The following ZBTB16 variants were observed in gnomAD, a reference collection of about 807,000 sequenced individuals.
The protein encoded by ZBTB16 is zinc finger and BTB domain containing 16, also known as zinc finger and BTB domain-containing protein 16.
ZBTB16 carries 8 observed loss-of-function variants against 56.8 expected under a neutral mutation model. The ratio of observed to expected loss-of-function variants is 0.14; its 90% CI spans 0.08 to 0.25. The LOEUF (loss-of-function observed/expected upper bound fraction) is 0.25, where lower values mean the gene tolerates loss of function less well. Ranked by LOEUF, ZBTB16 falls within the 10% of genes least tolerant of loss-of-function variation. The pLI, the probability that ZBTB16 is intolerant of heterozygous loss-of-function variation, is 1.00. For synonymous variants in ZBTB16, 363 were observed against 368.5 expected, an observed-to-expected ratio of 0.98 and a Z score of 0.17; for missense variants, 625 against 903.0, an observed-to-expected ratio of 0.69 and a Z score of 3.95.
intron 3 of ZBTB16, among the ~76,000 whole-genome samples, chr11:114,158,198 C>T (rs915171886): frequency 2.6e-5 from 4 of 152,132 alleles, no homozygotes; most frequent in African/African-American, 9.7e-5. Flanking sequence ...GTGGTGCGTC[C>T]TGCCCTAGAC....
chr11:114,237,783 A>G (rs890334912), intron 4 of ZBTB16, among the ~76,000 whole-genome samples: 1 of 152,164 alleles, frequency 6.6e-6, no homozygotes, highest in Non-Finnish European at 1.5e-5. Flanking sequence ...CGCATGCACC[A>G]ATAGCTTTTC....
chr11:114,117,848 T>C (rs1200935563), intron 2 of ZBTB16, among the ~76,000 whole-genome samples: 1 of 152,248 alleles, frequency 6.6e-6, no homozygotes, highest in Non-Finnish European at 1.5e-5. Flanking sequence ...AACAGTATTT[T>C]TGGAGTCCCT....
chr11:114,198,630 G>A (rs609076), intron 4 of ZBTB16, among the ~76,000 whole-genome samples: 98,933 of 152,066 alleles, frequency 0.65, 33,712 homozygotes, highest in African/African-American at 0.86. Flanking sequence ...ATGGAATGGA[G>A]AGTATAGAGT....
At chr11:114,100,026 T>C (rs1940553436) in intron 2 of ZBTB16, among the ~76,000 whole-genome samples, 3 of 152,144 alleles carry the variant, frequency 2.0e-5, no homozygotes, top group African/African-American at 7.2e-5. Context: ...AAACATGAGC[T>C]CCCTTTTAGA....
chr11:114,246,473 C>T (rs761944229), intron 5 of ZBTB16, among the ~76,000 whole-genome samples: 10 of 148,656 alleles, frequency 6.7e-5, no homozygotes, highest in Non-Finnish European at 1.2e-4. Flanking sequence ...TCACATCACA[C>T]ATCTGAGTGC....
chr11:114,171,938 C>T (rs980590280), intron 3 of ZBTB16, among the ~76,000 whole-genome samples: 1 of 152,164 alleles, frequency 6.6e-6, no homozygotes, highest in Non-Finnish European at 1.5e-5. Flanking sequence ...AAGAGCAGGA[C>T]GTTTATGAAG....
intron 4 of ZBTB16, among the ~76,000 whole-genome samples, chr11:114,197,041 C>T (rs920780371): frequency 2.0e-5 from 3 of 152,006 alleles, no homozygotes; most frequent in African/African-American, 7.3e-5. Context: ...GGATCAAAGC[C>T]CCTATTTGAA....
chr11:114,068,060 C>A (rs76842944), intron 2 of ZBTB16, among the ~76,000 whole-genome samples: 465 of 111,078 alleles, frequency 4.2e-3, no homozygotes, highest in Non-Finnish European at 4.7e-3. Context: ...AAAGCCAAGA[C>A]AAAAAAAAAA....
At chr11:114,208,474 A>T (rs1289563380) in intron 4 of ZBTB16, among the ~76,000 whole-genome samples, 1 of 152,102 alleles carries the variant, frequency 6.6e-6, no homozygotes, top group African/African-American at 2.4e-5. Context: ...GGATGTGAGG[A>T]CCAAAATGGT....
chr11:114,084,072 A>C (rs1414219774), intron 2 of ZBTB16, among the ~76,000 whole-genome samples: 2 of 152,160 alleles, frequency 1.3e-5, no homozygotes, highest in Admixed American at 6.5e-5. Flanking sequence ...TGTTTCTACT[A>C]ATCTGTCCAC....
chr11:114,184,973 A>G (rs1943328921), intron 3 of ZBTB16, among the ~76,000 whole-genome samples: 1 of 152,148 alleles, frequency 6.6e-6, no homozygotes, highest in Admixed American at 6.6e-5. Flanking sequence ...CAGGAGCTCA[A>G]GACCAACCTG....
chr11:114,245,436 C>A (rs1322372925), intron 5 of ZBTB16, among the ~76,000 whole-genome samples: 2 of 152,176 alleles, frequency 1.3e-5, no homozygotes, highest in Non-Finnish European at 2.9e-5. Context: ...AAATCTTCCA[C>A]CCATGAGAAA....
At chr11:114,068,131 A>G (rs1455451156) in intron 2 of ZBTB16, among the ~76,000 whole-genome samples, 1 of 151,428 alleles carries the variant, frequency 6.6e-6, no homozygotes, top group African/African-American at 2.4e-5. Flanking sequence ...GAAATATATC[A>G]GTGATAAAAT....
chr11:114,066,102 G>A (rs938088049), intron 2 of ZBTB16, among the ~76,000 whole-genome samples: 5 of 152,178 alleles, frequency 3.3e-5, no homozygotes, highest in African/African-American at 9.7e-5. Context: ...CTGTTTTGCT[G>A]ATCTTGGGTG....
intron 2 of ZBTB16, among the ~76,000 whole-genome samples, chr11:114,144,517 AC>A (rs577364045): frequency 6.6e-6 from 1 of 152,168 alleles, no homozygotes; most frequent in Non-Finnish European, 1.5e-5. Context: ...GACTTCTTTT[AC>A]AAAAAAGAAA....
intron 2 of ZBTB16, among the ~76,000 whole-genome samples, chr11:114,154,093 C>G (rs1332795746): frequency 6.6e-6 from 1 of 152,164 alleles, no homozygotes; most frequent in African/African-American, 2.4e-5. Flanking sequence ...GTGGTGTTAC[C>G]CAAACCAAGA....
chr11:114,086,199 C>T (rs1939950956), intron 2 of ZBTB16, among the ~76,000 whole-genome samples: 1 of 152,322 alleles, frequency 6.6e-6, no homozygotes, highest in Non-Finnish European at 1.5e-5. Flanking sequence ...GCAAACTCAG[C>T]CCTGGGCCTC....
chr11:114,228,580 TC>T lies in ZBTB16; in HGVS notation c.1454-13583del, dbSNP rs1345545766. 2.6e-5 allele frequency among the ~76,000 whole-genome samples: 4 copies of T among 152,162 alleles called. No individual in the cohort carries two copies. The East Asian group carries it at 7.7e-4, about 29-fold the overall frequency. The stretch of plus-strand genomic sequence containing the variant: ...AAGCCGTGCCTAGACCTGAGCTCAC[TC>T]CCCTTTTCTGCCTAGAGGGGCAGTG... On this transcript the variant is annotated intron_variant, in intron 4 of 6. Coordinates refer to ENST00000335953, the MANE Select transcript of ZBTB16 (RefSeq NM_006006.6).
At position 114,075,629 on chromosome 11, in the gene ZBTB16, GTATATA is replaced by G. The variant is rs10526570; in HGVS notation, c.1268+11075_1268+11080del. ...GCACCACCACACCTGGCTAATTTTT[GTATATA>G]TATATATATATATTTAGTAGAGATG... On this transcript the variant is annotated intron_variant, in intron 2 of 6. Transcript: ENST00000335953. 6.4e-5 allele frequency among the ~76,000 whole-genome samples: 9 copies of G among 141,026 alleles called. 1 individual carries two copies. The highest frequency in any genetic ancestry group is 2.3e-4 in the African/African-American group (8 of 34,640). The allele number at this position is 141,026 out of a possible 152,430, so 92.5% of individuals were successfully genotyped here. A position where few individuals can be genotyped will look rare whatever the true frequency, so the allele number is the denominator to read the frequency against.
Sources: allele counts gnomAD v4.1 joint callset (sites outside exome capture counted in the v4.1 genomes callset), GRCh38; gene constraint gnomAD v4.1.1; transcripts MANE v1.5; gene names NCBI Gene and HGNC (gene_info 2026-07-23, HGNC 2026-07-21).